The following GALNT17 variants were observed in gnomAD, a reference collection of about 807,000 sequenced individuals.
The protein encoded by GALNT17 is polypeptide N-acetylgalactosaminyltransferase 17.
Under a neutral mutation model 63.7 loss-of-function variants are expected in GALNT17, and 29 were observed. That is an observed-to-expected ratio of 0.46 (90% CI 0.34 to 0.62). The LOEUF (loss-of-function observed/expected upper bound fraction) is 0.62, where lower values mean the gene tolerates loss of function less well. GALNT17 is among the 20% of genes least tolerant of loss of function. The pLI is 0.01. For synonymous variants in GALNT17, 305 were observed against 318.3 expected, an observed-to-expected ratio of 0.96 and a Z score of 0.45; for missense variants, 603 against 799.6, an observed-to-expected ratio of 0.75 and a Z score of 2.97.
At chr7:71,477,190 T>A (rs1435977614) in intron 5 of GALNT17, among the ~76,000 whole-genome samples, 2 of 152,222 alleles carry the variant, frequency 1.3e-5, no homozygotes, top group Non-Finnish European at 2.9e-5. Flanking sequence ...TGTACTTGGC[T>A]GGTTCTCTTA....
At chr7:71,180,884 G>A (rs1788722180) in intron 1 of GALNT17, among the ~76,000 whole-genome samples, 1 of 152,156 alleles carries the variant, frequency 6.6e-6, no homozygotes, top group South Asian at 2.1e-4. Context: ...GACAAGCTAG[G>A]TATTATATAA....
chr7:71,698,778 T>A (rs1440205502), intron 9 of GALNT17, among the ~76,000 whole-genome samples: 1 of 152,070 alleles, frequency 6.6e-6, no homozygotes, highest in Non-Finnish European at 1.5e-5. Context: ...TTAATTACAA[T>A]GAATATGAAT....
intron 1 of GALNT17, among the ~76,000 whole-genome samples, chr7:71,301,881 A>G (rs899716409): frequency 6.6e-6 from 1 of 152,190 alleles, no homozygotes; most frequent in Non-Finnish European, 1.5e-5. Context: ...CTTTATATGC[A>G]GGGGTGGAAG....
chr7:71,549,262 A>G (rs1789035981), intron 5 of GALNT17, among the ~76,000 whole-genome samples: 1 of 152,296 alleles, frequency 6.6e-6, no homozygotes, highest in African/African-American at 2.4e-5. Flanking sequence ...GAAGGCATCT[A>G]CAAGACCATT....
At chr7:71,395,665 T>A (rs1411519495) in intron 3 of GALNT17, among the ~76,000 whole-genome samples, 1 of 152,218 alleles carries the variant, frequency 6.6e-6, no homozygotes, top group East Asian at 1.9e-4. Flanking sequence ...ACTGTCAAAT[T>A]GTTTTCCACA....
chr7:71,525,793 G>A (rs1417190364), intron 5 of GALNT17, among the ~76,000 whole-genome samples: 2 of 137,744 alleles, frequency 1.5e-5, no homozygotes, highest in Admixed American at 8.0e-5. Context: ...AGGCTGGAGT[G>A]CAGTGGCATG....
At chr7:71,663,777 T>C (rs1201171936) in intron 6 of GALNT17, among the ~76,000 whole-genome samples, 1 of 152,194 alleles carries the variant, frequency 6.6e-6, no homozygotes, top group Non-Finnish European at 1.5e-5. Flanking sequence ...AGGGGGTATG[T>C]AGACACTCAA....
chr7:71,182,922 C>A (rs1346800500), intron 1 of GALNT17, among the ~76,000 whole-genome samples: 1 of 152,198 alleles, frequency 6.6e-6, no homozygotes, highest in African/African-American at 2.4e-5. Flanking sequence ...GTTCATGAAC[C>A]ACTTAAAGTT....
intron 6 of GALNT17, among the ~76,000 whole-genome samples, chr7:71,643,523 G>C (rs1303529314): frequency 1.3e-5 from 2 of 152,188 alleles, no homozygotes; most frequent in Non-Finnish European, 2.9e-5. Flanking sequence ...AAGGGAAAAA[G>C]GGATGCATTC....
At chr7:71,313,410 G>A (rs968291750) in intron 1 of GALNT17, among the ~76,000 whole-genome samples, 2 of 152,066 alleles carry the variant, frequency 1.3e-5, no homozygotes, top group African/African-American at 4.8e-5. Context: ...ACACTCTTTC[G>A]GTAAATGGAA....
At chr7:71,353,424 A>G (rs753187475) in intron 2 of GALNT17, among the ~76,000 whole-genome samples, 1 of 152,174 alleles carries the variant, frequency 6.6e-6, no homozygotes, top group Non-Finnish European at 1.5e-5. Context: ...AGTTGTCTCA[A>G]TAATGTCCTT....
At chr7:71,584,100 C>T (rs1273250968) in intron 6 of GALNT17, among the ~76,000 whole-genome samples, 1 of 152,178 alleles carries the variant, frequency 6.6e-6, no homozygotes, top group Non-Finnish European at 1.5e-5. Flanking sequence ...CCACTGCACT[C>T]CAGCCTGGGA....
At chr7:71,578,884 C>G (rs1295212263) in intron 6 of GALNT17, among the ~76,000 whole-genome samples, 4 of 152,120 alleles carry the variant, frequency 2.6e-5, no homozygotes, top group African/African-American at 9.7e-5. Context: ...CCCCTGCCTT[C>G]TCTGAGACCT....
At chr7:71,562,023 A>G (rs1789264710) in intron 5 of GALNT17, among the ~76,000 whole-genome samples, 1 of 151,870 alleles carries the variant, frequency 6.6e-6, no homozygotes, top group Admixed American at 6.6e-5. Context: ...TGGTGCGATC[A>G]TAGCACACTA....
In GALNT17 at chr7:71,376,425, G is replaced by GTTTTTTTTTT. The variant is rs57171551; in HGVS notation, c.423-11791_423-11782dup. Among the ~76,000 whole-genome samples the GTTTTTTTTTT allele has an allele frequency of 2.2e-4, 14 of 63,364 alleles. 1 individual carries two copies. Among genetic ancestry groups the GTTTTTTTTTT allele is most frequent in the East Asian group, 1.4e-3 (2 of 1,390 alleles). The allele number at this position is 63,364 out of a possible 152,430, so 41.6% of individuals were successfully genotyped here. A position where few individuals can be genotyped will look rare whatever the true frequency, so the allele number is the denominator to read the frequency against. On this transcript the variant is annotated intron_variant, in intron 2 of 10. Transcript: ENST00000333538. ...TTAATAAAACTTAAGGTTTGGAGTT[G>GTTTTTTTTTT]TTTTTTTTTTTTTTTTTTTTTTTTT...
intron 1 of GALNT17, among the ~76,000 whole-genome samples, chr7:71,241,630 G>A (rs1195806575): frequency 2.0e-5 from 3 of 152,192 alleles, no homozygotes; most frequent in Non-Finnish European, 4.4e-5. Context: ...TCTCATGCCT[G>A]TAATCCCAGC....
rs576242577 is a variant in GALNT17, at chr7:71,363,218, C to T, written c.423-25017C>T. Among the ~76,000 whole-genome samples the T allele has an allele frequency of 5.3e-5, 8 of 152,206 alleles. No individual in the cohort carries two copies. In the South Asian group the frequency reaches 8.3e-4, roughly 16 times the overall value. On this transcript the variant is annotated intron_variant, in intron 2 of 10. Coordinates refer to ENST00000333538, the MANE Select transcript of GALNT17 (RefSeq NM_022479.3). ...CTGACCTCAAGTGATCCACCCACCTCGGCCTCCCAAAGTGCTGGGATTACA... is the reference window on the plus strand; with the variant it reads ...CTGACCTCAAGTGATCCACCCACCTTGGCCTCCCAAAGTGCTGGGATTACA...
intron 9 of GALNT17, among the ~76,000 whole-genome samples, chr7:71,679,573 T>C (rs1274558388): frequency 6.6e-6 from 1 of 152,068 alleles, no homozygotes; most frequent in African/African-American, 2.4e-5. Flanking sequence ...GCAAGAAATC[T>C]ACAGTAGAAT....
At chr7:71,390,672 A>G (rs1793033650) in intron 3 of GALNT17, among the ~76,000 whole-genome samples, 1 of 152,088 alleles carries the variant, frequency 6.6e-6, no homozygotes. Context: ...ACACCCCTGC[A>G]TATTTTCCCC....
Sources: allele counts gnomAD v4.1 joint callset (sites outside exome capture counted in the v4.1 genomes callset), GRCh38; gene constraint gnomAD v4.1.1; transcripts MANE v1.5; gene names NCBI Gene and HGNC (gene_info 2026-07-23, HGNC 2026-07-21).